Variants in NBAS observed in about 807,000 individuals in gnomAD.
NBAS encodes the protein NBAS subunit of NRZ tethering complex.
NBAS carries 219 observed loss-of-function variants against 302.5 expected under a neutral mutation model. The ratio of observed to expected loss-of-function variants is 0.72; its 90% CI spans 0.65 to 0.81. The LOEUF (loss-of-function observed/expected upper bound fraction) is 0.81, where lower values mean the gene tolerates loss of function less well. NBAS is among the 30% of genes least tolerant of loss of function. The probability of loss-of-function intolerance (pLI) is 0.00; values close to 1 mark genes in which losing one functional copy is unlikely to be tolerated. For missense variants in NBAS, 2,932 were observed against 2,841.6 expected, an observed-to-expected ratio of 1.03 and a Z score of -0.72; for synonymous variants, 1,118 against 1,021.6, an observed-to-expected ratio of 1.09 and a Z score of -1.80.
the NBAS span, among the ~76,000 whole-genome samples, chr2:14,990,317 G>C: frequency 1.1e-4 from 16 of 151,188 alleles, no homozygotes; most frequent in East Asian, 2.9e-3. Flanking sequence ...CCAGCTACTC[G>C]GGAGACTGAG....
chr2:14,880,060 T>C, the NBAS span, among the ~76,000 whole-genome samples: 1 of 152,130 alleles, frequency 6.6e-6, no homozygotes, highest in East Asian at 1.9e-4. Flanking sequence ...CCTTGGAGAC[T>C]TAGCAGTGAG....
the NBAS span, among the ~76,000 whole-genome samples, chr2:15,086,028 C>G: frequency 6.6e-6 from 1 of 152,214 alleles, no homozygotes; most frequent in African/African-American, 2.4e-5. Flanking sequence ...TGAGGCCCCA[C>G]CTTCAGGCTA....
chr2:15,440,678 A>C (rs1038919430), intron 21 of NBAS, among the ~76,000 whole-genome samples: 1 of 152,152 alleles, frequency 6.6e-6, no homozygotes, highest in Non-Finnish European at 1.5e-5. Flanking sequence ...TGATGAGTTG[A>C]GAGAAGGCTT....
At chr2:15,132,481 T>G in the NBAS span, among the ~76,000 whole-genome samples, 2 of 152,184 alleles carry the variant, frequency 1.3e-5, no homozygotes, top group African/African-American at 4.8e-5. Context: ...GTAAAACTAC[T>G]CTGTGTGACA....
intron 21 of NBAS, among the ~76,000 whole-genome samples, chr2:15,430,194 T>C (rs1368659502): frequency 1.3e-5 from 2 of 152,212 alleles, no homozygotes; most frequent in African/African-American, 2.4e-5. Context: ...ATAATACTTA[T>C]TTGGTATGTA....
the NBAS span, among the ~76,000 whole-genome samples, chr2:14,848,195 G>C: frequency 4.0e-5 from 6 of 151,826 alleles, no homozygotes; most frequent in South Asian, 4.1e-4. Context: ...GAGTTCCAGA[G>C]AGTGGGCGCA....
At chr2:15,527,065 G>C (rs1236330388) in intron 9 of NBAS, among the ~76,000 whole-genome samples, 1 of 132,226 alleles carries the variant, frequency 7.6e-6, no homozygotes, top group Non-Finnish European at 1.6e-5. Flanking sequence ...CCAGCATTAA[G>C]ATACAAAATA....
intron 45 of NBAS, among the ~76,000 whole-genome samples, chr2:15,236,076 G>A (rs776406721): frequency 1.3e-5 from 2 of 152,084 alleles, no homozygotes; most frequent in Non-Finnish European, 2.9e-5. Context: ...TGCTATATAA[G>A]GTGCCTTAAT....
At chr2:14,864,970 C>G in the NBAS span, among the ~76,000 whole-genome samples, 3 of 152,210 alleles carry the variant, frequency 2.0e-5, no homozygotes, top group Non-Finnish European at 4.4e-5. Flanking sequence ...TGTTCACAGA[C>G]CCCTTAGTCT....
intron 21 of NBAS, among the ~76,000 whole-genome samples, chr2:15,446,024 C>A (rs949046316): frequency 6.6e-6 from 1 of 150,380 alleles, no homozygotes; most frequent in African/African-American, 2.4e-5. Context: ...AAAAAAGAAA[C>A]TTTTTAAAAT....
chr2:15,391,362 T>C (rs766233245), intron 28 of NBAS, among the ~76,000 whole-genome samples: 1 of 135,202 alleles, frequency 7.4e-6, no homozygotes, highest in Non-Finnish European at 1.6e-5. Context: ...AAAACCAAAA[T>C]TGAACTCTTA....
chr2:15,484,142 C>A (rs2148603692), intron 12 of NBAS, among the ~76,000 whole-genome samples: 1 of 152,296 alleles, frequency 6.6e-6, no homozygotes, highest in East Asian at 1.9e-4. Flanking sequence ...TTACACCTCT[C>A]AGTTATTACT....
At chr2:15,514,543 TA>T (rs1662297893) in intron 9 of NBAS, among the ~76,000 whole-genome samples, 1 of 152,058 alleles carries the variant, frequency 6.6e-6, no homozygotes, top group Non-Finnish European at 1.5e-5. Context: ...CAATAAACTA[TA>T]ACAATATCAC....
At chr2:14,840,985 G>A in the NBAS span, among the ~76,000 whole-genome samples, 1 of 152,012 alleles carries the variant, frequency 6.6e-6, no homozygotes, top group South Asian at 2.1e-4. Context: ...CATGTTAAGT[G>A]ATAGGCAATA....
chr2:15,548,043 T>G (rs976126155), intron 6 of NBAS, among the ~76,000 whole-genome samples: 3 of 152,204 alleles, frequency 2.0e-5, no homozygotes, highest in African/African-American at 7.2e-5. Flanking sequence ...TATACATGGA[T>G]CTCTATAATA....
the NBAS span, among the ~76,000 whole-genome samples, chr2:15,017,136 C>T: frequency 3.9e-5 from 6 of 151,974 alleles, no homozygotes; most frequent in Non-Finnish European, 5.9e-5. Flanking sequence ...AACTAGGCCC[C>T]CACCTCTCAC....
chr2:14,877,436 A>G, the NBAS span, among the ~76,000 whole-genome samples: 2 of 152,096 alleles, frequency 1.3e-5, no homozygotes, highest in African/African-American at 4.8e-5. Flanking sequence ...CAGACCTAGC[A>G]TTTCTACATT....
chr2:15,417,121 C>A (rs1018036166), intron 24 of NBAS, among the ~76,000 whole-genome samples: 1 of 152,160 alleles, frequency 6.6e-6, no homozygotes, highest in Non-Finnish European at 1.5e-5. Flanking sequence ...CATACTAACC[C>A]TGAAGCCAAG....
the NBAS span, among the ~76,000 whole-genome samples, chr2:14,860,593 T>C: frequency 2.0e-5 from 3 of 152,016 alleles, no homozygotes; most frequent in Non-Finnish European, 2.9e-5. Flanking sequence ...GAAAGACAAA[T>C]CCCACATGTT....
Sources: gnomAD v4.1 joint callset for allele counts (sites outside exome capture counted in the v4.1 genomes callset) on GRCh38, gnomAD v4.1.1 for gene constraint, MANE v1.5 for transcripts, NCBI Gene and HGNC (gene_info 2026-07-23, HGNC 2026-07-21) for gene names.